LOC128706666: variants seen among roughly 807,000 people sequenced by gnomAD.
chr20:10,424,706 A>G, the LOC128706666 span, among the ~76,000 whole-genome samples: 3 of 152,192 alleles, frequency 2.0e-5, no homozygotes, highest in African/African-American at 7.2e-5. Context: ...TTGGGGATAC[A>G]ATTTAAATTT....
chr20:10,425,991 GTCT>G, the LOC128706666 span, among the ~76,000 whole-genome samples: 1 of 152,154 alleles, frequency 6.6e-6, no homozygotes, highest in Non-Finnish European at 1.5e-5. Context: ...TTACTAAAAT[GTCT>G]TTTGTTAAGT....
the LOC128706666 span, among the ~76,000 whole-genome samples, chr20:10,427,993 G>A: frequency 6.6e-6 from 1 of 152,214 alleles, no homozygotes; most frequent in Non-Finnish European, 1.5e-5. Flanking sequence ...AGTATCTTAT[G>A]TCTTTTGCTA....
chr20:10,418,370 T>C, the LOC128706666 span, among the ~76,000 whole-genome samples: 3 of 152,200 alleles, frequency 2.0e-5, no homozygotes, highest in Admixed American at 6.5e-5. Flanking sequence ...GGGCTCAATA[T>C]ACTATCCTCT....
At chr20:10,423,546 T>A in the LOC128706666 span, among the ~76,000 whole-genome samples, 7 of 152,200 alleles carry the variant, frequency 4.6e-5, no homozygotes, top group African/African-American at 1.4e-4. Context: ...CACTAATGTT[T>A]GGGGAAGTGT....
the LOC128706666 span, among the ~76,000 whole-genome samples, chr20:10,422,242 G>A: frequency 6.6e-6 from 1 of 151,960 alleles, no homozygotes; most frequent in Non-Finnish European, 1.5e-5. Flanking sequence ...TTAATTACTA[G>A]ATAGAGGAAA....
the LOC128706666 span, among the ~76,000 whole-genome samples, chr20:10,425,053 CAAAAA>C: frequency 8.2e-6 from 1 of 122,320 alleles, no homozygotes; most frequent in Non-Finnish European, 1.8e-5. Flanking sequence ...AACTCCGTCT[CAAAAA>C]AAAAAAAAGA....
the LOC128706666 span, among the ~76,000 whole-genome samples, chr20:10,433,881 G>A: frequency 1.3e-5 from 2 of 152,180 alleles, no homozygotes; most frequent in Non-Finnish European, 2.9e-5. Context: ...CCTCCTCGCC[G>A]CCCGCATCCG....
chr20:10,413,898 G>A, the LOC128706666 span: 180 of 419,728 alleles, frequency 4.3e-4, 1 homozygote, highest in African/African-American at 3.3e-3. Context: ...CTCTTCTTTC[G>A]ATATGAAGCT....
At chr20:10,416,297 T>C in the LOC128706666 span, among the ~76,000 whole-genome samples, 3 of 151,234 alleles carry the variant, frequency 2.0e-5, no homozygotes, top group African/African-American at 4.9e-5. Flanking sequence ...GCAAATGGAG[T>C]TCTTTGGCAA....
At chr20:10,417,359 C>A in the LOC128706666 span, among the ~76,000 whole-genome samples, 1 of 152,182 alleles carries the variant, frequency 6.6e-6, no homozygotes, top group South Asian at 2.1e-4. Flanking sequence ...GCCTGTAATC[C>A]CATCACTTTG....
the LOC128706666 span, among the ~76,000 whole-genome samples, chr20:10,423,122 GA>G: frequency 3.8e-4 from 57 of 150,974 alleles, no homozygotes; most frequent in African/African-American, 1.1e-3. Context: ...TAAACTCAAG[GA>G]AAAAAAACCC....
At chr20:10,431,945 G>A in the LOC128706666 span, 1 of 120,878 alleles carries the variant, frequency 8.3e-6, no homozygotes. Flanking sequence ...TTATTCTCTA[G>A]CACGTGATTC....
At chr20:10,433,566 G>A in the LOC128706666 span, among the ~76,000 whole-genome samples, 1 of 152,182 alleles carries the variant, frequency 6.6e-6, no homozygotes, top group Non-Finnish European at 1.5e-5. Context: ...TGGTCTTATC[G>A]GGGAGGAAGA....
At chr20:10,432,789 CAAA>C in the LOC128706666 span, among the ~76,000 whole-genome samples, 19 of 74,556 alleles carry the variant, frequency 2.5e-4, no homozygotes, top group African/African-American at 7.2e-4. Context: ...GACTCTTTGT[CAAA>C]AAAAAAAAAA....
the LOC128706666 span, among the ~76,000 whole-genome samples, chr20:10,415,752 C>T: frequency 6.6e-6 from 1 of 152,192 alleles, no homozygotes; most frequent in Non-Finnish European, 1.5e-5. Flanking sequence ...AGAACATTTT[C>T]AATACTTAAT....
the LOC128706666 span, among the ~76,000 whole-genome samples, chr20:10,429,758 C>T: frequency 9.1e-3 from 1,382 of 152,244 alleles, 14 homozygotes; most frequent in Non-Finnish European, 0.015. Flanking sequence ...CAGACCCTCG[C>T]GCCCTCACAT....
chr20:10,419,302 A>C, the LOC128706666 span, among the ~76,000 whole-genome samples: 6 of 152,180 alleles, frequency 3.9e-5, no homozygotes, highest in Admixed American at 3.9e-4. Flanking sequence ...GGGCCAGATG[A>C]GTTTCATAAT....
At chr20:10,414,188 C>T in the LOC128706666 span, among the ~76,000 whole-genome samples, 3 of 151,436 alleles carry the variant, frequency 2.0e-5, no homozygotes, top group Admixed American at 2.0e-4. Context: ...AGAAAGCTTA[C>T]AGCACAGTTA....
the LOC128706666 span, among the ~76,000 whole-genome samples, chr20:10,431,495 A>G: frequency 6.6e-6 from 1 of 151,984 alleles, no homozygotes; most frequent in Admixed American, 6.6e-5. Context: ...GACAATCTTA[A>G]TAAAACATAA....
Sources: allele counts gnomAD v4.1 joint callset (sites outside exome capture counted in the v4.1 genomes callset), GRCh38; gene constraint gnomAD v4.1.1; transcripts MANE v1.5.